SLC22A31: variants seen among roughly 807,000 people sequenced by gnomAD.
The protein encoded by SLC22A31 is putative solute carrier family 22 member 31.
A neutral mutation model predicts 27.4 loss-of-function variants in SLC22A31; 42 were observed. The ratio of observed to expected loss-of-function variants is 1.53; its 90% CI spans 1.20 to 1.98. SLC22A31 has a LOEUF of 1.98. SLC22A31 is among the 30% of genes most tolerant of loss of function. The probability of loss-of-function intolerance (pLI) is 0.00; values close to 1 mark genes in which losing one functional copy is unlikely to be tolerated. For synonymous variants in SLC22A31, 290 were observed against 230.8 expected, an observed-to-expected ratio of 1.26 and a Z score of -2.33; for missense variants, 593 against 479.9, an observed-to-expected ratio of 1.24 and a Z score of -2.20.
Position 89,198,666 on chromosome 16 carries a change from T to A in SLC22A31, c.584A>T (p.Asn195Ile), listed in dbSNP as rs1370726425. 1 of 1,535,386 alleles carries A rather than the reference T, an allele frequency of 6.5e-7. No individual in the cohort carries two copies. Residue 195 changes from asparagine (N) to isoleucine (I), a missense_variant, in exon 5 of 9, where the codon AAC becomes ATC. Physicochemically the swap from Asn to Ile is moderately radical, Grantham distance 149. Transcript: ENST00000682282. ...AGGCGCCTGACCTGTAGCCAGGGAG[T>A]TCTCCTCCAAGGAACTGTCCCCGGG... ...VGPGDSSLEE[N>I]SLATELTMLS...
rs886401525 is a variant in SLC22A31, at chr16:89,195,867, C to T, written c.*132G>A. On this transcript the variant is annotated 3_prime_UTR_variant, in exon 9 of 9. Coordinates refer to ENST00000682282, the MANE Select transcript of SLC22A31 (RefSeq NM_001384763.1). ...TGGAGACACCTTCACGCTGTCCCCA[C>T]GGCTCCACCTGCACTGAGACACGGG... The T allele has an allele frequency of 3.9e-5, 43 of 1,109,260 alleles. No homozygotes were observed. The highest frequency in any genetic ancestry group is 3.1e-4 in the Middle Eastern group (1 of 3,264). The allele number at this position is 1,109,260 out of a possible 1,614,324, so 68.7% of individuals were successfully genotyped here. A position where few individuals can be genotyped will look rare whatever the true frequency, so the allele number is the denominator to read the frequency against.
rs1193757799 is a variant in SLC22A31, at chr16:89,196,328, G to A, written c.1035-23C>T. 11 of 998,224 alleles carry A rather than the reference G, an allele frequency of 1.1e-5. No homozygotes were observed. The South Asian group carries it at 1.9e-4, about 17-fold the overall frequency. 61.8% of individuals were successfully genotyped at this position (998,224 alleles called of 1,614,324 possible). A position where few individuals can be genotyped will look rare whatever the true frequency, so the allele number is the denominator to read the frequency against. Reference sequence around the variant, plus strand: ...CCCCTGTGGGACAGAGTGTGTTGGGGGCAGCCAGCCTCCTGGCCCAGGAAC... The same window carrying A: ...CCCCTGTGGGACAGAGTGTGTTGGGAGCAGCCAGCCTCCTGGCCCAGGAAC... On this transcript the variant is annotated intron_variant, in intron 8 of 8. Coordinates refer to ENST00000682282, the MANE Select transcript of SLC22A31 (RefSeq NM_001384763.1).
chr16:89,196,621 C>T (rs1342619981), intron 8 of SLC22A31, among the ~76,000 whole-genome samples: 1 of 152,228 alleles, frequency 6.6e-6, no homozygotes, highest in African/African-American at 2.4e-5. Flanking sequence ...GAAAAACCTC[C>T]TTCCTCTCCT....
rs1457887730 is a variant in SLC22A31 at position 89,199,550 on chromosome 16, A to C, written c.146T>G (p.Val49Gly). The C allele has an allele frequency of 2.3e-5, 10 of 441,592 alleles. No individual in the cohort carries two copies. Among genetic ancestry groups the C allele is most frequent in the Admixed American group, 3.8e-5 (1 of 26,326 alleles). The allele number at this position is 441,592 out of a possible 1,614,324, so 27.4% of individuals were successfully genotyped here. ...AGCDRFGRRA[V>G]FVASLVLTTG... ...GGTCAGCACCAGGGAGGCCACAAAA[A>C]CTGCCCGGCGTCCAAACCTGGTGGG... The change falls in exon 3 of 9, where the codon GTT becomes GGT. Residue 49 changes from valine to glycine, a missense_variant. Val to Gly is a moderately radical substitution (Grantham distance 109). Coordinates refer to ENST00000682282, the MANE Select transcript of SLC22A31 (RefSeq NM_001384763.1).
chr16:89,199,256 C>T (rs772543946), intron 3 of SLC22A31, 65 bp from the exon 4 acceptor site: 3 of 1,426,350 alleles, frequency 2.1e-6, no homozygotes, highest in Non-Finnish European at 2.8e-6. Context: ...CCATTGGGAA[C>T]TGCGGGGACC....
intron 7 of SLC22A31, among the ~76,000 whole-genome samples, 194 bp downstream of exon 7, chr16:89,197,928 A>T (rs1405832835): frequency 1.3e-5 from 2 of 152,206 alleles, no homozygotes; most frequent in African/African-American, 2.4e-5. Flanking sequence ...TTAGGCTCAG[A>T]CAGTTTCCTT....
chr16:89,198,739 G>C lies in SLC22A31; in HGVS notation c.511C>G (p.Arg171Gly). ...AAGCGCCACAGGATCTTCCTGGCTC[G>C]AGCTACCTGACCTGTGGCCAGCAGC... is the stretch of plus-strand genomic sequence containing the variant. ...CWLLATGQVA[R>G]ARKILWRFAE... The change falls in exon 5 of 9, where the codon CGA (arginine) becomes GGA (glycine). Residue 171 changes from arginine to glycine, a missense_variant. Physicochemically the swap from Arg to Gly is moderately radical, Grantham distance 125 (BLOSUM62 -2). Transcript: ENST00000682282. 7.8e-6 allele frequency: 12 copies of C among 1,535,740 alleles called. No homozygotes were observed. The highest frequency in any genetic ancestry group is 1.0e-5 in the Non-Finnish European group (12 of 1,146,778).
In SLC22A31 at chr16:89,195,890, G is replaced by T; in HGVS notation, c.*109C>A. 7.9e-7 allele frequency: 1 copy of T among 1,268,520 alleles called. No homozygotes were observed. The highest frequency in any genetic ancestry group is 1.0e-6 in the Non-Finnish European group (1 of 953,330). 78.6% of individuals were successfully genotyped at this position (1,268,520 alleles called of 1,614,324 possible). A position where few individuals can be genotyped will look rare whatever the true frequency, so the allele number is the denominator to read the frequency against. On this transcript the variant is annotated 3_prime_UTR_variant, in exon 9 of 9. Transcript: ENST00000682282. ...CACGGCTCCACCTGCACTGAGACAC[G>T]GGCTTCTGAGAGGAATGTGTCTGCC...
chr16:89,201,564 AG>A, upstream of SLC22A31: 2 of 398,726 alleles, frequency 5.0e-6, no homozygotes, highest in East Asian at 7.2e-5. Flanking sequence ...GCTCAGCACC[AG>A]CCCCAGCACT....
chr16:89,200,187 A>T (rs1916423059), intron 1 of SLC22A31: 1 of 179,360 alleles, frequency 5.6e-6, no homozygotes, highest in Non-Finnish European at 1.2e-5. Flanking sequence ...TGGTGGCGTC[A>T]TAGACACAGC....
At chr16:89,200,033 G>T in intron 1 of SLC22A31, 2 of 390,616 alleles carry the variant, frequency 5.1e-6, no homozygotes, top group Admixed American at 4.5e-5. Flanking sequence ...GGGGTCGGGG[G>T]GATCTGCCCA....
chr16:89,198,675 A>C lies in SLC22A31; in HGVS notation c.575T>G (p.Leu192Trp). The change falls in exon 5 of 9, where the codon TTG becomes TGG. Residue 192 changes from leucine (L) to tryptophan (W), a missense_variant. Coordinates refer to ENST00000682282, the MANE Select transcript of SLC22A31 (RefSeq NM_001384763.1). ...ASGVGPGDSS[L>W]EENSLATELT... Reference sequence around the variant, plus strand: ...ACCTGTAGCCAGGGAGTTCTCCTCCAAGGAACTGTCCCCGGGGCCCACGCC... The same window carrying C: ...ACCTGTAGCCAGGGAGTTCTCCTCCCAGGAACTGTCCCCGGGGCCCACGCC... The C allele has an allele frequency of 1.3e-6, 2 of 1,535,698 alleles. No homozygotes were observed. The highest frequency in any genetic ancestry group is 1.7e-6 in the Non-Finnish European group (2 of 1,146,774).
intron 6 of SLC22A31, 24 bp from the exon 7 acceptor site, chr16:89,198,360 G>C: frequency 6.5e-7 from 1 of 1,535,314 alleles, no homozygotes; most frequent in South Asian, 1.2e-5. Flanking sequence ...CAAATCTATG[G>C]GCCCAGCCAG....
Position 89,198,272 on chromosome 16 carries a change from A to T in SLC22A31, c.772T>A (p.Tyr258Asn). 6.5e-7 allele frequency: 1 copy of T among 1,535,846 alleles called. No individual in the cohort carries two copies. The change falls in exon 7 of 9, where the codon TAC (tyrosine) becomes AAC (asparagine). Residue 258 changes from tyrosine (Y) to asparagine (N), a missense_variant. Physicochemically the swap from Tyr to Asn is moderately radical, Grantham distance 143. Coordinates refer to ENST00000682282, the MANE Select transcript of SLC22A31 (RefSeq NM_001384763.1). The stretch of plus-strand genomic sequence containing the variant: ...CCGGCCTCCAGGAAGTAGGGCAGGT[A>T]GAAGGTCGGCACCTGAGGTGCCAGG... ...RSLAPQVPTF[Y>N]LPYFLEAGLE...
chr16:89,196,338 C>T (rs1221179888), intron 8 of SLC22A31, 33 bp from the exon 9 acceptor site: 2 of 923,364 alleles, frequency 2.2e-6, no homozygotes, highest in Non-Finnish European at 2.9e-6. Context: ...GGCAGCCAGC[C>T]TCCTGGCCCA....
intron 8 of SLC22A31, 104 bp downstream of exon 8, chr16:89,197,194 G>A: frequency 1.2e-6 from 1 of 828,098 alleles, no homozygotes; most frequent in Non-Finnish European, 1.9e-6. Context: ...TCACAGGCAG[G>A]AACCTGGGTG....
At chr16:89,199,235 C>T in intron 3 of SLC22A31, 44 bp from the exon 4 acceptor site, 2 of 1,486,146 alleles carry the variant, frequency 1.3e-6, no homozygotes, top group South Asian at 1.3e-5. Context: ...TCGGGGAGGA[C>T]TGGAACAGTT....
chr16:89,195,771 G>A lies in SLC22A31; in HGVS notation c.*228C>T, dbSNP rs1915822404. 4.3e-6 allele frequency: 2 copies of A among 469,340 alleles called. No homozygotes were observed. The highest frequency in any genetic ancestry group is 3.3e-5 in the East Asian group (1 of 30,256). 29.1% of individuals were successfully genotyped at this position (469,340 alleles called of 1,614,324 possible). A position where few individuals can be genotyped will look rare whatever the true frequency, so the allele number is the denominator to read the frequency against. On this transcript the variant is annotated 3_prime_UTR_variant, in exon 9 of 9. Transcript: ENST00000682282. Reference sequence around the variant, plus strand: ...AGGGAGGACGCCAAGTTCCACAGAAGCCTTTATCCTCCACACCTACTGGGT... The same window carrying A: ...AGGGAGGACGCCAAGTTCCACAGAAACCTTTATCCTCCACACCTACTGGGT...
chr16:89,197,238 C>T (rs1277175105), intron 8 of SLC22A31, 60 bp downstream of exon 8: 1 of 1,349,210 alleles, frequency 7.4e-7, no homozygotes, highest in South Asian at 1.3e-5. Context: ...TCCACCTGGC[C>T]CCTCCTCCCC....
Sources: allele counts gnomAD v4.1 joint callset (sites outside exome capture counted in the v4.1 genomes callset), GRCh38; gene constraint gnomAD v4.1.1; transcripts MANE v1.5; gene names NCBI Gene and HGNC (gene_info 2026-07-23, HGNC 2026-07-21).